GPC6: variants seen among roughly 807,000 people sequenced by gnomAD.
GPC6 encodes glypican-6.
GPC6 carries 14 observed loss-of-function variants against 55.2 expected under a neutral mutation model. The ratio of observed to expected loss-of-function variants is 0.25; its 90% CI spans 0.17 to 0.40. The LOEUF (loss-of-function observed/expected upper bound fraction) is 0.40. Among genes scored for constraint, GPC6 ranks in the 10% least tolerant of loss-of-function variants. The probability of loss-of-function intolerance (pLI) is 1.00; values close to 1 mark genes in which losing one functional copy is unlikely to be tolerated. For synonymous variants in GPC6, 278 were observed against 259.6 expected (o/e 1.07, Z -0.68); for missense variants, 641 against 708.5 (o/e 0.90, Z 1.08).
At chr13:93,765,114 C>A (rs1446121064) in intron 2 of GPC6, among the ~76,000 whole-genome samples, 1 of 152,074 alleles carries the variant, frequency 6.6e-6, no homozygotes, top group Non-Finnish European at 1.5e-5. Flanking sequence ...ATTTTTTAAA[C>A]AATTCATAAG....
chr13:94,163,379 G>A (rs1199505122), intron 4 of GPC6, among the ~76,000 whole-genome samples: 2 of 151,222 alleles, frequency 1.3e-5, no homozygotes, highest in Non-Finnish European at 2.9e-5. Context: ...TTTCAAGCAA[G>A]TCTCAGACAT....
At chr13:93,442,440 A>G (rs1877840410) in intron 1 of GPC6, among the ~76,000 whole-genome samples, 1 of 152,218 alleles carries the variant, frequency 6.6e-6, no homozygotes, top group Admixed American at 6.5e-5. Flanking sequence ...CCTGAAATGA[A>G]TGAATGTTCC....
intron 1 of GPC6, among the ~76,000 whole-genome samples, chr13:93,322,378 G>T (rs562057588): frequency 1.3e-5 from 2 of 149,828 alleles, no homozygotes; most frequent in African/African-American, 4.9e-5. Flanking sequence ...AAGTGAGAAC[G>T]TGTGGTATTC....
At chr13:93,288,287 A>G (rs1878203580) in intron 1 of GPC6, among the ~76,000 whole-genome samples, 1 of 152,180 alleles carries the variant, frequency 6.6e-6, no homozygotes, top group Non-Finnish European at 1.5e-5. Context: ...AAGTGTGGAT[A>G]TTTTAAATCC....
rs115145877 is a variant in GPC6 at position 93,846,245 on chromosome 13, G to A, written c.711+15700G>A. Among the ~76,000 whole-genome samples the A allele has an allele frequency of 4.2e-3, 645 of 152,184 alleles. 4 individuals are homozygous for A. The highest frequency in any genetic ancestry group is 0.015 in the African/African-American group (626 of 41,522). On this transcript the variant is annotated intron_variant, in intron 3 of 8. Coordinates refer to ENST00000377047, the MANE Select transcript of GPC6 (RefSeq NM_005708.5). ...TCTCTTCCTGTTCAATGTAATGCAA[G>A]CTAACAAATGATTACTTGCCAGCCA... is the stretch of plus-strand genomic sequence containing the variant.
At chr13:94,110,647 C>G (rs947038746) in intron 4 of GPC6, among the ~76,000 whole-genome samples, 2 of 151,636 alleles carry the variant, frequency 1.3e-5, no homozygotes, top group African/African-American at 4.9e-5. Context: ...AGGCTGGAGT[C>G]AAAGAAAACA....
At chr13:93,332,042 C>T (rs917324795) in intron 1 of GPC6, among the ~76,000 whole-genome samples, 5 of 152,020 alleles carry the variant, frequency 3.3e-5, no homozygotes, top group African/African-American at 9.7e-5. Flanking sequence ...TGAGTTCATT[C>T]TTTTTTAAGA....
rs185187791 is a variant in GPC6 at position 93,484,449 on chromosome 13, C to T, written c.161-60814C>T. ...TGTATATTCTGAAAGATTTTTGTCT[C>T]TAATCCCGAGTATGCTGTGAACCTC... On this transcript the variant is annotated intron_variant, in intron 1 of 8. Transcript: ENST00000377047. Among the ~76,000 whole-genome samples, 990 of 152,176 alleles carry T rather than the reference C, an allele frequency of 6.5e-3. 8 individuals carry two copies. Among genetic ancestry groups the T allele is most frequent in the Middle Eastern group, 0.037 (11 of 294 alleles).
rs577259658 is a variant in GPC6 at position 93,616,030 on chromosome 13, A to G, written c.319+70609A>G. 2.6e-5 allele frequency among the ~76,000 whole-genome samples: 4 copies of G among 152,252 alleles called. No homozygotes were observed. In the South Asian group the frequency reaches 8.3e-4, roughly 32 times the overall value. ...GAAGAAGGATTCTCTCAATGTAAAT[A>G]TGTACTTGTACGTATTTAAGAATAC... On this transcript the variant is annotated intron_variant, in intron 2 of 8. Transcript: ENST00000377047.
intron 2 of GPC6, among the ~76,000 whole-genome samples, chr13:93,554,750 A>G (rs1475162409): frequency 6.6e-6 from 1 of 152,202 alleles, no homozygotes; most frequent in Non-Finnish European, 1.5e-5. Context: ...GCATTCCCTT[A>G]GACAAGAACA....
intron 4 of GPC6, among the ~76,000 whole-genome samples, chr13:94,151,100 T>G (rs1271274302): frequency 6.6e-6 from 1 of 151,920 alleles, no homozygotes; most frequent in Non-Finnish European, 1.5e-5. Context: ...TATAGATAAG[T>G]CAGACACCAA....
At chr13:94,388,713 T>C (rs1435030128) in intron 7 of GPC6, among the ~76,000 whole-genome samples, 4 of 152,228 alleles carry the variant, frequency 2.6e-5, no homozygotes, top group South Asian at 2.1e-4. Flanking sequence ...TCCTGGCTTA[T>C]AGACAATGGC....
intron 2 of GPC6, among the ~76,000 whole-genome samples, chr13:93,704,891 T>G (rs1288947761): frequency 6.6e-6 from 1 of 151,970 alleles, no homozygotes; most frequent in East Asian, 1.9e-4. Flanking sequence ...ATGATCTGAC[T>G]GGATCCTCGC....
At chr13:93,846,456 C>T (rs1888183384) in intron 3 of GPC6, among the ~76,000 whole-genome samples, 1 of 152,144 alleles carries the variant, frequency 6.6e-6, no homozygotes, top group African/African-American at 2.4e-5. Context: ...CAACCTAATG[C>T]AAAACTCAAT....
intron 4 of GPC6, among the ~76,000 whole-genome samples, chr13:94,105,047 C>T (rs373013496): frequency 5.3e-5 from 8 of 152,146 alleles, no homozygotes; most frequent in African/African-American, 1.4e-4. Context: ...GGAGGCATCA[C>T]GCTACCTGAC....
chr13:93,904,267 A>T (rs892992036), intron 3 of GPC6, among the ~76,000 whole-genome samples: 1 of 152,212 alleles, frequency 6.6e-6, no homozygotes, highest in African/African-American at 2.4e-5. Flanking sequence ...TCAAGAGTAG[A>T]ACTGTAGACA....
At chr13:93,704,772 G>A (rs1456287045) in intron 2 of GPC6, among the ~76,000 whole-genome samples, 1 of 151,916 alleles carries the variant, frequency 6.6e-6, no homozygotes, top group Non-Finnish European at 1.5e-5. Flanking sequence ...GAAACAGCAG[G>A]AAATGCTCAA....
intron 4 of GPC6, among the ~76,000 whole-genome samples, chr13:94,196,675 A>T (rs903568651): frequency 1.3e-5 from 2 of 152,136 alleles, no homozygotes; most frequent in African/African-American, 4.8e-5. Flanking sequence ...TGGATTTCAG[A>T]CTGCTTGTCA....
chr13:93,284,758 G>T, intron 1 of GPC6, among the ~76,000 whole-genome samples: 1 of 152,282 alleles, frequency 6.6e-6, no homozygotes, highest in East Asian at 1.9e-4. Flanking sequence ...GAGACACAGT[G>T]TTGATCAAAA....
Sources: gnomAD v4.1 joint callset for allele counts (sites outside exome capture counted in the v4.1 genomes callset) on GRCh38, gnomAD v4.1.1 for gene constraint, MANE v1.5 for transcripts, NCBI Gene and HGNC (gene_info 2026-07-23, HGNC 2026-07-21) for gene names.